The following DPP10 variants were observed in gnomAD, a reference collection of about 807,000 sequenced individuals.
DPP10 encodes the protein dipeptidyl peptidase like 10, also known as inactive dipeptidyl peptidase 10.
A neutral mutation model predicts 120.9 loss-of-function variants in DPP10; 33 were observed. The observed-to-expected ratio is 0.27, with a 90% CI of 0.21 to 0.37. The LOEUF (loss-of-function observed/expected upper bound fraction) is 0.37, where lower values mean the gene tolerates loss of function less well. Ranked by LOEUF, DPP10 falls within the 10% of genes least tolerant of loss-of-function variation. The pLI, the probability that DPP10 is intolerant of heterozygous loss-of-function variation, is 1.00. For missense variants in DPP10, 816 were observed against 942.8 expected, an observed-to-expected ratio of 0.87 and a Z score of 1.76; for synonymous variants, 337 against 326.1, an observed-to-expected ratio of 1.03 and a Z score of -0.36.
chr2:115,735,015 T>C (rs1455298157), intron 8 of DPP10, among the ~76,000 whole-genome samples: 2 of 152,122 alleles, frequency 1.3e-5, no homozygotes, highest in Non-Finnish European at 2.9e-5. Context: ...TATACAATTT[T>C]TACAGAAATA....
intron 3 of DPP10, among the ~76,000 whole-genome samples, chr2:115,392,577 A>T (rs567672088): frequency 1.3e-5 from 2 of 152,132 alleles, no homozygotes; most frequent in Non-Finnish European, 2.9e-5. Flanking sequence ...AACATGCAAA[A>T]CCAAGTGAAT....
intron 5 of DPP10, among the ~76,000 whole-genome samples, chr2:115,569,044 A>G (rs552633636): frequency 4.6e-5 from 7 of 152,298 alleles, no homozygotes; most frequent in Admixed American, 2.6e-4. Context: ...TAAATGTGAG[A>G]TGTGTACAAG....
At chr2:115,383,943 T>C (rs1253316628) in intron 3 of DPP10, among the ~76,000 whole-genome samples, 1 of 152,108 alleles carries the variant, frequency 6.6e-6, no homozygotes, top group African/African-American at 2.4e-5. Context: ...CAATAGATCA[T>C]AAGAAATAAC....
chr2:114,913,242 C>T (rs1694513873), intron 1 of DPP10, among the ~76,000 whole-genome samples: 1 of 152,182 alleles, frequency 6.6e-6, no homozygotes, highest in African/African-American at 2.4e-5. Context: ...CATCGGCGTG[C>T]ACTCGCCTGC....
In DPP10 at chr2:115,290,150, G is replaced by A. The variant is rs555891777; in HGVS notation, c.61-19089G>A. Among the ~76,000 whole-genome samples the A allele has an allele frequency of 3.9e-5, 6 of 151,988 alleles. No individual in the cohort carries two copies. The East Asian group carries it at 1.2e-3, about 29-fold the overall frequency. Reference sequence around the variant, plus strand: ...ACAAGGAATTCAAACAAATAAACAAGGAAAAGAGGCCAAATAATTTTATTA... The same window carrying A: ...ACAAGGAATTCAAACAAATAAACAAAGAAAAGAGGCCAAATAATTTTATTA... On this transcript the variant is annotated intron_variant, in intron 1 of 25. Transcript: ENST00000410059.
intron 1 of DPP10, among the ~76,000 whole-genome samples, chr2:115,147,588 C>CATT (rs1447123732): frequency 6.6e-6 from 1 of 152,024 alleles, no homozygotes; most frequent in Non-Finnish European, 1.5e-5. Context: ...TTATTATTTT[C>CATT]ATTATTATTA....
In DPP10 at chr2:114,892,691, A is replaced by G. The variant is rs942414511; in HGVS notation, c.61-416548A>G. Among the ~76,000 whole-genome samples the G allele has an allele frequency of 4.6e-5, 7 of 152,296 alleles. No homozygotes were observed. In the South Asian group the frequency reaches 8.3e-4, roughly 18 times the overall value. The stretch of plus-strand genomic sequence containing the variant: ...CGGAACCTCAGGTCTTCGTGCAGAT[A>G]AGCCCTGTACATTGCCTGTGAAAAG... On this transcript the variant is annotated intron_variant, in intron 1 of 25. Transcript: ENST00000410059.
At chr2:115,516,174 G>A (rs1233911426) in intron 4 of DPP10, among the ~76,000 whole-genome samples, 1 of 152,108 alleles carries the variant, frequency 6.6e-6, no homozygotes, top group East Asian at 1.9e-4. Flanking sequence ...GTTTGCAGAT[G>A]TTCTTGGGAG....
At chr2:115,134,891 T>C (rs1388159554) in intron 1 of DPP10, among the ~76,000 whole-genome samples, 1 of 152,138 alleles carries the variant, frequency 6.6e-6, no homozygotes, top group Non-Finnish European at 1.5e-5. Flanking sequence ...TTAAAGAAGA[T>C]TTCTGGGAGA....
At chr2:114,579,210 C>A (rs182547262) in intron 1 of DPP10, among the ~76,000 whole-genome samples, 1 of 152,174 alleles carries the variant, frequency 6.6e-6, no homozygotes, top group African/African-American at 2.4e-5. Flanking sequence ...CAGTACTTTG[C>A]AATTTTGAGG....
At position 114,632,575 on chromosome 2, in the gene DPP10, C is replaced by T. The variant is rs772065171; in HGVS notation, c.60+189737C>T. 1.6e-4 allele frequency among the ~76,000 whole-genome samples: 19 copies of T among 122,280 alleles called. 1 individual carries two copies. The highest frequency in any genetic ancestry group is 5.7e-4 in the South Asian group (2 of 3,492). The allele number at this position is 122,280 out of a possible 152,430, so 80.2% of individuals were successfully genotyped here. On this transcript the variant is annotated intron_variant, in intron 1 of 25. Transcript: ENST00000410059. ...TCACCCAGGCTGGAGTGTAGTGGTG[C>T]GATCTCGGCTCACTGCAAGCTCTGC...
intron 1 of DPP10, among the ~76,000 whole-genome samples, chr2:114,632,523 T>TC (rs1287642571): frequency 1.4e-5 from 2 of 139,288 alleles, no homozygotes; most frequent in East Asian, 2.1e-4. Context: ...TTTTTTTTTT[T>TC]TTTTTTGGAG....
chr2:115,360,934 C>T (rs1250906626), intron 3 of DPP10, among the ~76,000 whole-genome samples: 28 of 152,070 alleles, frequency 1.8e-4, no homozygotes, highest in Admixed American at 1.8e-3. Context: ...GTTTTTTGCC[C>T]AGAGATTGCT....
intron 1 of DPP10, among the ~76,000 whole-genome samples, chr2:115,031,794 C>T (rs1373623895): frequency 1.3e-5 from 2 of 152,078 alleles, no homozygotes; most frequent in African/African-American, 4.8e-5. Context: ...TTGTTTTCTT[C>T]ATCTCAGGTT....
At chr2:114,844,239 C>A (rs149779230) in intron 1 of DPP10, among the ~76,000 whole-genome samples, 1 of 152,068 alleles carries the variant, frequency 6.6e-6, no homozygotes, top group East Asian at 1.9e-4. Context: ...TTATTCTTCA[C>A]GCTTGATGTG....
intron 1 of DPP10, among the ~76,000 whole-genome samples, chr2:114,809,802 A>G (rs1685032448): frequency 6.6e-6 from 1 of 152,236 alleles, no homozygotes; most frequent in Non-Finnish European, 1.5e-5. Context: ...GAGAATCTGC[A>G]TTTCTAACAA....
intron 5 of DPP10, among the ~76,000 whole-genome samples, chr2:115,549,313 G>C (rs959347397): frequency 1.3e-5 from 2 of 152,122 alleles, no homozygotes; most frequent in Admixed American, 6.6e-5. Flanking sequence ...CCCCAACTGT[G>C]TGTGATCAGT....
chr2:114,851,930 C>T (rs1036140149), intron 1 of DPP10, among the ~76,000 whole-genome samples: 36 of 152,096 alleles, frequency 2.4e-4, no homozygotes, highest in African/African-American at 3.4e-4. Context: ...GAGTTTTTTT[C>T]ATGAAAATCT....
intron 1 of DPP10, among the ~76,000 whole-genome samples, chr2:114,730,995 T>C (rs1676857745): frequency 6.6e-6 from 1 of 151,674 alleles, no homozygotes; most frequent in Admixed American, 6.6e-5. Context: ...CAAATCTAAA[T>C]GGAGGGTCAA....
Sources: allele counts gnomAD v4.1 joint callset (sites outside exome capture counted in the v4.1 genomes callset), GRCh38; gene constraint gnomAD v4.1.1; transcripts MANE v1.5; gene names NCBI Gene and HGNC (gene_info 2026-07-23, HGNC 2026-07-21).